Variants in ASXL1 observed in about 807,000 individuals in gnomAD.
ASXL1 encodes the protein polycomb group protein ASXL1.
In ASXL1, 65 loss-of-function variants were observed where a neutral mutation model predicts 89.1. That is an observed-to-expected ratio of 0.73 (90% CI 0.60 to 0.90). ASXL1 has a LOEUF of 0.90. ASXL1 is among the 40% of genes least tolerant of loss of function. The pLI is 0.00. For synonymous variants in ASXL1, 739 were observed against 746.9 expected (o/e 0.99, Z 0.17); for missense variants, 1,786 against 1,942.9 (o/e 0.92, Z 1.52).
At chr20:32,367,304 C>A (rs1392307113) in intron 2 of ASXL1, among the ~76,000 whole-genome samples, 1 of 152,158 alleles carries the variant, frequency 6.6e-6, no homozygotes, top group African/African-American at 2.4e-5. Flanking sequence ...CGCTTGAACT[C>A]AGGAGACGGA....
Position 32,434,795 on chromosome 20 carries a change from CA to C in ASXL1, c.2085del (p.Gln695HisfsTer8). 2 of 1,613,998 alleles carry C rather than the reference CA, an allele frequency of 1.2e-6. No individual in the cohort carries two copies. The highest frequency in any genetic ancestry group is 1.7e-6 in the Non-Finnish European group (2 of 1,180,022). On this transcript the variant is annotated frameshift_variant, in exon 13 of 13. Transcript: ENST00000375687. LOFTEE classifies it low-confidence loss of function (END_TRUNC). ...GKCTSDLQRT[Q>X]LLPPYPLNGE... ...GTGTACGTCAGATCTACAGCGAACA[CA>C]ACTACTGCCGCCTTATCCTCTAAAT...
intron 4 of ASXL1, among the ~76,000 whole-genome samples, chr20:32,424,474 G>T (rs1600566736): frequency 6.6e-6 from 1 of 152,178 alleles, no homozygotes; most frequent in Admixed American, 6.5e-5. Flanking sequence ...GGAGGAGGTT[G>T]CAGTGAGCCG....
At chr20:32,403,277 C>G (rs1338229948) in intron 4 of ASXL1, among the ~76,000 whole-genome samples, 1 of 152,204 alleles carries the variant, frequency 6.6e-6, no homozygotes, top group Non-Finnish European at 1.5e-5. Flanking sequence ...TCTGTCAATA[C>G]CGTACTGTCT....
intron 8 of ASXL1, 53 bp from the exon 9 acceptor site, chr20:32,431,268 T>G (rs2123233412): frequency 1.2e-6 from 2 of 1,612,750 alleles, no homozygotes; most frequent in South Asian, 2.2e-5. Context: ...TCAGTTGGCA[T>G]TTGTTTTTTC....
chr20:32,384,951 G>T (rs1450933759), intron 4 of ASXL1, among the ~76,000 whole-genome samples: 1 of 151,854 alleles, frequency 6.6e-6, no homozygotes, highest in Non-Finnish European at 1.5e-5. Flanking sequence ...CATACTCTAG[G>T]CTTCCTTGGG....
At chr20:32,418,470 C>G (rs1217563785) in intron 4 of ASXL1, among the ~76,000 whole-genome samples, 1 of 152,206 alleles carries the variant, frequency 6.6e-6, no homozygotes, top group Non-Finnish European at 1.5e-5. Context: ...ATAGACCATA[C>G]AGTTCACCAA....
intron 4 of ASXL1, among the ~76,000 whole-genome samples, chr20:32,421,809 G>A (rs2049255734): frequency 5.3e-5 from 8 of 151,938 alleles, no homozygotes; most frequent in Admixed American, 4.6e-4. Flanking sequence ...AGTACGTTAT[G>A]GAGATAGAAG....
rs1440137307 is a variant in ASXL1 at position 32,431,288 on chromosome 20, G to C, written c.719-33G>C. On this transcript the variant is annotated intron_variant, in intron 8 of 12. Transcript: ENST00000375687. ...TGGCATTTGTTTTTTCTTTTAAAAA[G>C]CTGAAATCTATACCTTGCTTCAAAA... 7 of 1,614,004 alleles carry C rather than the reference G, an allele frequency of 4.3e-6. No individual in the cohort carries two copies. In the African/African-American group the frequency reaches 9.3e-5, roughly 22 times the overall value.
intron 4 of ASXL1, among the ~76,000 whole-genome samples, chr20:32,373,421 T>C (rs1006245593): frequency 1.3e-5 from 2 of 152,126 alleles, no homozygotes; most frequent in Admixed American, 1.3e-4. Context: ...GCATCTGGCA[T>C]CTAGCTCATA....
At chr20:32,392,842 T>C (rs2048696561) in intron 4 of ASXL1, among the ~76,000 whole-genome samples, 1 of 152,166 alleles carries the variant, frequency 6.6e-6, no homozygotes, top group Non-Finnish European at 1.5e-5. Context: ...ACATACCTTA[T>C]ATGATTTGAA....
chr20:32,419,560 A>G (rs1239770755), intron 4 of ASXL1, among the ~76,000 whole-genome samples: 1 of 151,452 alleles, frequency 6.6e-6, no homozygotes, highest in Admixed American at 6.6e-5. Context: ...TAAAATGATG[A>G]TATTTCTTTT....
At chr20:32,426,654 G>A (rs1443501925) in intron 4 of ASXL1, among the ~76,000 whole-genome samples, 2 of 146,824 alleles carry the variant, frequency 1.4e-5, no homozygotes, top group Non-Finnish European at 3.0e-5. Context: ...CCACCTCCTG[G>A]GTTCAAGTGA....
chr20:32,419,539 T>A (rs1385810810), intron 4 of ASXL1, among the ~76,000 whole-genome samples: 1 of 152,194 alleles, frequency 6.6e-6, no homozygotes, highest in South Asian at 2.1e-4. Context: ...TAAAGTTTTA[T>A]GTTTTCTTCA....
At chr20:32,411,264 G>A (rs2049041971) in intron 4 of ASXL1, among the ~76,000 whole-genome samples, 1 of 107,800 alleles carries the variant, frequency 9.3e-6, no homozygotes, top group African/African-American at 3.6e-5. Flanking sequence ...CATGCGCTCT[G>A]TCACCCAGGC....
intron 3 of ASXL1, among the ~76,000 whole-genome samples, chr20:32,368,795 C>G (rs566206534): frequency 6.6e-6 from 1 of 152,090 alleles, no homozygotes; most frequent in African/African-American, 2.4e-5. Context: ...TTATGGATTT[C>G]GGGTATCACA....
At chr20:32,399,747 CTT>C (rs369127811) in intron 4 of ASXL1, among the ~76,000 whole-genome samples, 1,091 of 73,548 alleles carry the variant, frequency 0.015, 27 homozygotes, top group African/African-American at 0.045. Context: ...ATATTTTACT[CTT>C]TTTTTTTTTT....
At chr20:32,376,810 G>A (rs1459881681) in intron 4 of ASXL1, among the ~76,000 whole-genome samples, 1 of 111,608 alleles carries the variant, frequency 9.0e-6, no homozygotes, top group African/African-American at 3.1e-5. Flanking sequence ...TATATATAAT[G>A]TATTTTATAT....
Position 32,428,394 on chromosome 20 carries a change from C to T in ASXL1, c.443C>T (p.Pro148Leu). The T allele has an allele frequency of 1.2e-6, 2 of 1,613,816 alleles. No individual in the cohort carries two copies. The highest frequency in any genetic ancestry group is 1.7e-6 in the Non-Finnish European group (2 of 1,179,836). ...TESQSRPLSN[P>L]RDSYRASSQA... is the part of the protein sequence containing the mutation. ...TCTCAGAGTCGACCTCTTTCCAATC[C>T]CAGGGACAGCTACAGAGCTTCCTCA... Residue 148 changes from proline (P) to leucine (L), a missense_variant, in exon 6 of 13, where the codon CCC (proline) becomes CTC (leucine). Pro to Leu is a moderately conservative substitution (Grantham distance 98, BLOSUM62 -3). Transcript: ENST00000375687.
At chr20:32,402,132 T>G (rs1333442481) in intron 4 of ASXL1, among the ~76,000 whole-genome samples, 1 of 152,230 alleles carries the variant, frequency 6.6e-6, no homozygotes, top group Non-Finnish European at 1.5e-5. Flanking sequence ...TCGATCCAAG[T>G]CCTATGTATT....
Sources: allele counts gnomAD v4.1 joint callset (sites outside exome capture counted in the v4.1 genomes callset), GRCh38; gene constraint gnomAD v4.1.1; transcripts MANE v1.5; gene names NCBI Gene and HGNC (gene_info 2026-07-23, HGNC 2026-07-21).